Variants in POLR1D observed in about 807,000 individuals in gnomAD.
POLR1D encodes DNA-directed RNA polymerases I and III subunit RPAC2.
A neutral mutation model predicts 10.8 loss-of-function variants in POLR1D; 8 were observed. The observed-to-expected ratio is 0.74, with a 90% CI of 0.43 to 1.33. The LOEUF is 1.33. Among genes scored for constraint, POLR1D ranks in the 40% most tolerant of loss-of-function variants. The probability of loss-of-function intolerance (pLI) is 0.01; values close to 1 mark genes in which losing one functional copy is unlikely to be tolerated. For missense variants in POLR1D, 152 were observed against 161.7 expected (o/e 0.94, Z 0.32); for synonymous variants, 54 against 57.2 (o/e 0.94, Z 0.25).
intron 1 of POLR1D, among the ~76,000 whole-genome samples, chr13:27,640,064 A>G (rs1956160708): frequency 1.3e-5 from 2 of 152,076 alleles, no homozygotes; most frequent in Non-Finnish European, 1.5e-5. Flanking sequence ...TTCCTTATCT[A>G]TGAAACGGTA....
intron 2 of POLR1D, among the ~76,000 whole-genome samples, chr13:27,648,883 A>G (rs995730568): frequency 6.6e-6 from 1 of 152,248 alleles, no homozygotes; most frequent in Non-Finnish European, 1.5e-5. Flanking sequence ...GCCATGTAGA[A>G]TTAAAGATTA....
At chr13:27,649,763 G>C (rs564012442) in intron 2 of POLR1D, among the ~76,000 whole-genome samples, 1 of 152,278 alleles carries the variant, frequency 6.6e-6, no homozygotes, top group East Asian at 1.9e-4. Context: ...CACCCACCCA[G>C]TAGCAGTGAG....
At chr13:27,626,040 ATTCTC>A (rs1275490476), downstream of POLR1D, among the ~76,000 whole-genome samples, 2 of 152,242 alleles carry the variant, frequency 1.3e-5, no homozygotes, top group African/African-American at 4.8e-5. Flanking sequence ...GATACAGCAT[ATTCTC>A]TTATGGTGAC....
chr13:27,640,195 G>A (rs1956161605), intron 1 of POLR1D, among the ~76,000 whole-genome samples: 1 of 152,024 alleles, frequency 6.6e-6, no homozygotes, highest in Non-Finnish European at 1.5e-5. Context: ...GTATTCAAAG[G>A]AGAATTGCCT....
chr13:27,644,707 G>A (rs1335470126), intron 1 of POLR1D, among the ~76,000 whole-genome samples: 2 of 152,102 alleles, frequency 1.3e-5, no homozygotes, highest in African/African-American at 4.8e-5. Flanking sequence ...CAAGAACTAA[G>A]TTTATGTCTG....
rs1956383068 is a variant in POLR1D, at chr13:27,663,325, G to A, written c.102-2361G>A. 6.6e-6 allele frequency among the ~76,000 whole-genome samples: 1 copy of A among 152,092 alleles called. No individual in the cohort carries two copies. Among genetic ancestry groups the A allele is most frequent in the Non-Finnish European group, 1.5e-5 (1 of 68,014 alleles). ...CAAACCCCACCTCCACCCCACCCCA[G>A]TAAACCAAGATCTCCTCAGGCCACC... is the stretch of plus-strand genomic sequence containing the variant. On this transcript the variant is annotated intron_variant, in intron 2 of 2. Transcript: ENST00000399697. This position sits in a 1 kb window ranked among gnomAD's most constrained non-coding sequence, Gnocchi z 4.1.
downstream of POLR1D, among the ~76,000 whole-genome samples, chr13:27,627,190 A>G (rs1283092482): frequency 2.0e-5 from 3 of 152,114 alleles, no homozygotes; most frequent in East Asian, 5.8e-4. Context: ...TAAGACCCCC[A>G]AACCCAGCCT....
intron 1 of POLR1D, among the ~76,000 whole-genome samples, chr13:27,631,778 G>A (rs1956075581): frequency 6.6e-6 from 1 of 152,180 alleles, no homozygotes; most frequent in South Asian, 2.1e-4. Flanking sequence ...TGTTTCTTCA[G>A]AAAGTCAATG....
At position 27,634,397 on chromosome 13, in the gene POLR1D, GA is replaced by G. The variant is rs529388248; in HGVS notation, c.26+12391del. Among the ~76,000 whole-genome samples, 3 of 152,142 alleles carry G rather than the reference GA, an allele frequency of 2.0e-5. No homozygotes were observed. The South Asian group carries it at 6.2e-4, about 31-fold the overall frequency. ...AAGTTGGTCCCCATCGGAGAGCAAT[GA>G]AAGATCAGAACAAGCCAGAACATGA... On this transcript the variant is annotated intron_variant, in intron 1 of 2. Transcript: ENST00000399697.
At chr13:27,652,140 C>T (rs1956272026) in intron 2 of POLR1D, among the ~76,000 whole-genome samples, 1 of 152,234 alleles carries the variant, frequency 6.6e-6, no homozygotes, top group Non-Finnish European at 1.5e-5. Flanking sequence ...GAGTTAAAAT[C>T]ATGCAATTTA....
chr13:27,645,638 G>A (rs143413905), intron 1 of POLR1D, among the ~76,000 whole-genome samples: 14 of 152,042 alleles, frequency 9.2e-5, no homozygotes, highest in African/African-American at 2.7e-4. Context: ...AATGGGTCAC[G>A]CTGCACCACT....
At position 27,623,336 on chromosome 13, in the gene POLR1D, A is replaced by G; in HGVS notation, c.*86A>G. The G allele has an allele frequency of 2.5e-6, 4 of 1,590,298 alleles. No individual in the cohort carries two copies. Among genetic ancestry groups the G allele is most frequent in the Non-Finnish European group, 3.4e-6 (4 of 1,169,110 alleles). On this transcript the variant is annotated 3_prime_UTR_variant, in exon 2 of 2. Transcript: ENST00000302979. Reference sequence around the variant, plus strand: ...AACCCAGAATTAGAAGTTTGTGGTTACAGCATACTCTGTCCTTCAGAAAGG... The same window carrying G: ...AACCCAGAATTAGAAGTTTGTGGTTGCAGCATACTCTGTCCTTCAGAAAGG...
intron 2 of POLR1D, among the ~76,000 whole-genome samples, chr13:27,659,386 C>T (rs976003603): frequency 6.6e-6 from 1 of 152,176 alleles, no homozygotes; most frequent in Non-Finnish European, 1.5e-5. Flanking sequence ...TCAGACGATT[C>T]GTGGAGGAGG....
chr13:27,631,201 G>C (rs910986159), intron 1 of POLR1D, among the ~76,000 whole-genome samples: 3 of 152,208 alleles, frequency 2.0e-5, no homozygotes, highest in African/African-American at 7.2e-5. Context: ...CAGGGTCTCT[G>C]ACAAGGCTGT....
intron 1 of POLR1D, among the ~76,000 whole-genome samples, chr13:27,639,391 G>A (rs114869418): frequency 0.017 from 2,541 of 151,994 alleles, 68 homozygotes; most frequent in African/African-American, 0.058. Flanking sequence ...ATTGTCCATG[G>A]GCTTTTCTAT....
intron 1 of POLR1D, among the ~76,000 whole-genome samples, chr13:27,642,355 A>G (rs1401655152): frequency 6.6e-6 from 1 of 152,170 alleles, no homozygotes; most frequent in Non-Finnish European, 1.5e-5. Context: ...GTTTGATGAC[A>G]CTAAGGATAC....
chr13:27,627,276 G>A (rs1956020910), downstream of POLR1D, among the ~76,000 whole-genome samples: 1 of 149,088 alleles, frequency 6.7e-6, no homozygotes, highest in Non-Finnish European at 1.5e-5. Context: ...TACTGCGTGG[G>A]TCTGGTTTTT....
At chr13:27,626,323 C>T (rs954501318), downstream of POLR1D, among the ~76,000 whole-genome samples, 2 of 152,154 alleles carry the variant, frequency 1.3e-5, no homozygotes, top group Admixed American at 6.5e-5. Context: ...CAGCCAGAGG[C>T]GACCGCTCAC....
intron 2 of POLR1D, among the ~76,000 whole-genome samples, chr13:27,656,260 A>G (rs1158343671): frequency 6.6e-6 from 1 of 152,216 alleles, no homozygotes; most frequent in African/African-American, 2.4e-5. Flanking sequence ...ATTATTTGCC[A>G]TATATAACAG....
Sources: allele counts gnomAD v4.1 joint callset (sites outside exome capture counted in the v4.1 genomes callset), GRCh38; gene constraint gnomAD v4.1.1; non-coding constraint Gnocchi (gnomAD v3.1); transcripts MANE v1.5; gene names NCBI Gene and HGNC (gene_info 2026-07-23, HGNC 2026-07-21).